The following CPED1 variants were observed in gnomAD, a reference collection of about 807,000 sequenced individuals.
CPED1 encodes the protein cadherin-like and PC-esterase domain-containing protein 1.
CPED1 carries 114 observed loss-of-function variants against 128.2 expected under a neutral mutation model. That is an observed-to-expected ratio of 0.89 (90% confidence interval 0.76 to 1.04). The LOEUF (loss-of-function observed/expected upper bound fraction) is 1.04, where lower values mean the gene tolerates loss of function less well. Ranked by LOEUF, CPED1 falls within the 50% of genes least tolerant of loss-of-function variation. The pLI is 0.00. For synonymous variants in CPED1, 462 were observed against 426.7 expected (o/e 1.08, Z -1.02); for missense variants, 1,211 against 1,207.1 (o/e 1.00, Z -0.05).
At chr7:121,112,201 T>A (rs1447998350) in intron 7 of CPED1, among the ~76,000 whole-genome samples, 1 of 152,142 alleles carries the variant, frequency 6.6e-6, no homozygotes, top group Admixed American at 6.6e-5. Flanking sequence ...CGAATGGCTG[T>A]CCCCATAAGG....
chr7:121,001,131 C>T (rs901478878), intron 2 of CPED1, among the ~76,000 whole-genome samples: 6 of 152,084 alleles, frequency 3.9e-5, no homozygotes, highest in Non-Finnish European at 8.8e-5. Flanking sequence ...ACATTTTGCT[C>T]AGGTAAATGT....
At chr7:121,199,258 ATGAG>A (rs971281226) in intron 16 of CPED1, among the ~76,000 whole-genome samples, 8 of 152,118 alleles carry the variant, frequency 5.3e-5, no homozygotes, top group African/African-American at 1.9e-4. Flanking sequence ...GGGTATAATA[ATGAG>A]TAAGAGTGTG....
At chr7:121,201,524 A>AAAGGAAGGAAGG (rs966419552) in intron 16 of CPED1, among the ~76,000 whole-genome samples, 7 of 151,392 alleles carry the variant, frequency 4.6e-5, no homozygotes, top group African/African-American at 1.7e-4. Context: ...GAAAGAGAGG[A>AAAGGAAGGAAGG]AAGGAAGGAA....
chr7:121,065,391 A>G (rs1267271131), intron 5 of CPED1, among the ~76,000 whole-genome samples: 4 of 152,156 alleles, frequency 2.6e-5, no homozygotes, highest in African/African-American at 9.7e-5. Context: ...CATCATATGA[A>G]AAAAGTAATG....
intron 16 of CPED1, among the ~76,000 whole-genome samples, chr7:121,210,077 A>T (rs145704086): frequency 6.6e-6 from 1 of 152,086 alleles, no homozygotes; most frequent in Non-Finnish European, 1.5e-5. Flanking sequence ...ATCATTGATC[A>T]TCAGAGAAAT....
intron 16 of CPED1, among the ~76,000 whole-genome samples, chr7:121,194,266 G>A (rs946560331): frequency 2.6e-5 from 4 of 151,578 alleles, no homozygotes; most frequent in Non-Finnish European, 4.4e-5. Context: ...GGCCAGGCTG[G>A]TCTTGAACTC....
intron 16 of CPED1, among the ~76,000 whole-genome samples, chr7:121,173,043 G>A (rs1463210586): frequency 5.3e-5 from 8 of 152,168 alleles, no homozygotes; most frequent in Admixed American, 3.9e-4. Flanking sequence ...CTTAAAGGCA[G>A]AGACCATTTT....
chr7:121,199,884 A>G (rs1341571755), intron 16 of CPED1, among the ~76,000 whole-genome samples: 2 of 152,140 alleles, frequency 1.3e-5, no homozygotes, highest in African/African-American at 4.8e-5. Flanking sequence ...TGGACCAAAT[A>G]TATCCAAAAT....
At chr7:121,100,120 T>C (rs1343409625) in intron 7 of CPED1, 26 bp downstream of exon 7, 1 of 1,608,762 alleles carries the variant, frequency 6.2e-7, no homozygotes. Flanking sequence ...AAGCTATTAT[T>C]TCACGTAAGT....
intron 17 of CPED1, 100 bp from the exon 18 acceptor site, chr7:121,244,102 C>G: frequency 7.3e-7 from 1 of 1,370,692 alleles, no homozygotes; most frequent in Non-Finnish European, 1.0e-6. Context: ...GATGGTCTTA[C>G]TATAATTTCT....
intron 3 of CPED1, among the ~76,000 whole-genome samples, chr7:121,023,063 G>A (rs928938272): frequency 3.3e-5 from 5 of 151,546 alleles, no homozygotes; most frequent in African/African-American, 1.2e-4. Context: ...ACCTGCTCCT[G>A]GGGTCAAGTC....
At chr7:121,065,542 A>G (rs1793810032) in intron 5 of CPED1, among the ~76,000 whole-genome samples, 1 of 152,112 alleles carries the variant, frequency 6.6e-6, no homozygotes, top group South Asian at 2.1e-4. Flanking sequence ...CTTTGTTGCT[A>G]TTTACATTTC....
intron 5 of CPED1, among the ~76,000 whole-genome samples, chr7:121,077,006 C>T (rs1794142957): frequency 1.3e-5 from 2 of 151,922 alleles, no homozygotes; most frequent in South Asian, 4.2e-4. Context: ...GATCCTCTGC[C>T]CTGTATCCTC....
At chr7:121,293,565 T>C (rs187821348) in intron 22 of CPED1, among the ~76,000 whole-genome samples, 5 of 152,224 alleles carry the variant, frequency 3.3e-5, no homozygotes, top group African/African-American at 4.8e-5. Context: ...AAAAAAAGCC[T>C]CCTGCAGCTA....
intron 5 of CPED1, among the ~76,000 whole-genome samples, chr7:121,077,053 T>C (rs1021931883): frequency 6.6e-6 from 1 of 152,086 alleles, no homozygotes; most frequent in Non-Finnish European, 1.5e-5. Flanking sequence ...TGGTGGCCCC[T>C]GGAGACTCCT....
intron 22 of CPED1, among the ~76,000 whole-genome samples, chr7:121,278,044 G>A (rs1374606143): frequency 1.3e-5 from 2 of 152,086 alleles, no homozygotes; most frequent in Admixed American, 1.3e-4. Context: ...AGTCCTTTCT[G>A]ATCATCTTAA....
rs1795918720 is a variant in CPED1 at position 121,142,073 on chromosome 7, A to G, written c.1987A>G (p.Thr663Ala). 1 of 1,612,656 alleles carries G rather than the reference A, an allele frequency of 6.2e-7. No homozygotes were observed. The highest frequency in any genetic ancestry group is 1.7e-4 in the Middle Eastern group (1 of 6,050). The change falls in exon 16 of 23, where the codon ACC (threonine) becomes GCC (alanine). Residue 663 changes from threonine to alanine, a missense_variant. By Grantham distance (58) the Thr-to-Ala change is moderately conservative. Coordinates refer to ENST00000310396, the MANE Select transcript of CPED1 (RefSeq NM_024913.5). ...HGETLITYKL[T>A]IYREDRPSLP... ...TGAGACTCTGATCACGTACAAACTCACCATCTATAGAGAAGACCGCCCAAG... is the reference window on the plus strand; with the variant it reads ...TGAGACTCTGATCACGTACAAACTCGCCATCTATAGAGAAGACCGCCCAAG...
intron 5 of CPED1, among the ~76,000 whole-genome samples, chr7:121,066,278 C>G (rs905877638): frequency 6.6e-6 from 1 of 151,996 alleles, no homozygotes; most frequent in African/African-American, 2.4e-5. Flanking sequence ...GTGATTTTAG[C>G]TCTGCCACTT....
intron 2 of CPED1, among the ~76,000 whole-genome samples, chr7:121,007,718 A>G (rs147343429): frequency 1.3e-4 from 20 of 152,250 alleles, no homozygotes; most frequent in African/African-American, 4.3e-4. Flanking sequence ...TTTTCTCTCC[A>G]ATACTGGAAT....
Sources: gnomAD v4.1 joint callset for allele counts (sites outside exome capture counted in the v4.1 genomes callset) on GRCh38, gnomAD v4.1.1 for gene constraint, MANE v1.5 for transcripts, NCBI Gene and HGNC (gene_info 2026-07-23, HGNC 2026-07-21) for gene names.